Variants in XPNPEP1 observed in about 807,000 individuals in gnomAD.
XPNPEP1 encodes xaa-Pro aminopeptidase 1.
XPNPEP1 carries 39 observed loss-of-function variants against 92.4 expected under a neutral mutation model. That is an observed-to-expected ratio of 0.42 (90% CI 0.33 to 0.55). The LOEUF is 0.55. Ranked by LOEUF, XPNPEP1 falls within the 20% of genes least tolerant of loss-of-function variation. XPNPEP1 has a pLI of 0.08. For synonymous variants in XPNPEP1, 307 were observed against 299.4 expected, an observed-to-expected ratio of 1.03 and a Z score of -0.26; for missense variants, 654 against 856.1, an observed-to-expected ratio of 0.76 and a Z score of 2.95.
intron 11 of XPNPEP1, 21 bp from the exon 12 acceptor site, chr10:109,880,259 T>C: frequency 6.2e-7 from 1 of 1,612,892 alleles, no homozygotes; most frequent in Non-Finnish European, 8.5e-7. Context: ...AATGGAGACA[T>C]TTTTTAAGTT....
chr10:109,894,329 C>T (rs745777406), intron 3 of XPNPEP1, among the ~76,000 whole-genome samples: 5 of 151,726 alleles, frequency 3.3e-5, no homozygotes, highest in Admixed American at 2.0e-4. Flanking sequence ...CCCAGGAACT[C>T]GAGACCAGCC....
chr10:109,878,884 A>G (rs1304164128), intron 12 of XPNPEP1, among the ~76,000 whole-genome samples: 1 of 147,318 alleles, frequency 6.8e-6, no homozygotes, highest in Non-Finnish European at 1.5e-5. Context: ...TCAAAATAAG[A>G]AAAAAAAAAA....
chr10:109,881,032 C>T (rs1848065180), intron 10 of XPNPEP1, 101 bp from the exon 11 acceptor site: 3 of 1,167,194 alleles, frequency 2.6e-6, no homozygotes. Context: ...TTAGACAAAT[C>T]ATTTGAAGAG....
chr10:109,904,402 T>A (rs963446784), intron 3 of XPNPEP1, among the ~76,000 whole-genome samples: 11 of 151,870 alleles, frequency 7.2e-5, no homozygotes, highest in Non-Finnish European at 1.6e-4. Context: ...GCAAGACCCA[T>A]CATCGGATGA....
At chr10:109,895,627 T>C (rs531875501) in intron 3 of XPNPEP1, among the ~76,000 whole-genome samples, 1 of 152,350 alleles carries the variant, frequency 6.6e-6, no homozygotes, top group East Asian at 1.9e-4. Context: ...GTCACTCTCC[T>C]TCTCCCAGGC....
At position 109,888,637 on chromosome 10, in the gene XPNPEP1, C is replaced by A. The variant is rs1162064528; in HGVS notation, c.416-42G>T. The A allele has an allele frequency of 3.4e-6, 5 of 1,484,038 alleles. No homozygotes were observed. The East Asian group carries it at 9.4e-5, about 28-fold the overall frequency. The allele number at this position is 1,484,038 out of a possible 1,614,324, so 91.9% of individuals were successfully genotyped here. Reference sequence around the variant, plus strand: ...TGATAAGAAACAATTCCCAGTGGGCCCACGCTCATTATCCCACCAGAAAGA... The same window carrying A: ...TGATAAGAAACAATTCCCAGTGGGCACACGCTCATTATCCCACCAGAAAGA... On this transcript the variant is annotated intron_variant, in intron 5 of 20. Coordinates refer to ENST00000502935, the MANE Select transcript of XPNPEP1 (RefSeq NM_020383.4).
intron 1 of XPNPEP1, among the ~76,000 whole-genome samples, chr10:109,916,748 G>A (rs1047055487): frequency 7.9e-5 from 12 of 152,032 alleles, no homozygotes; most frequent in Non-Finnish European, 7.4e-5. Context: ...ACCAGCAAAC[G>A]GAATCTAGAA....
chr10:109,919,639 CATT>C (rs1320196105), intron 1 of XPNPEP1, among the ~76,000 whole-genome samples: 1 of 152,200 alleles, frequency 6.6e-6, no homozygotes, highest in Non-Finnish European at 1.5e-5. Context: ...TTCACAGCTG[CATT>C]ATTTGTAACA....
chr10:109,900,451 C>T (rs369506041), intron 3 of XPNPEP1, among the ~76,000 whole-genome samples: 39 of 152,300 alleles, frequency 2.6e-4, no homozygotes, highest in East Asian at 2.3e-3. Context: ...GTCGCCCCAA[C>T]TATGTGGCTC....
At position 109,920,265 on chromosome 10, in the gene XPNPEP1, G is replaced by A. The variant is rs1258975575; in HGVS notation, c.32+3137C>T. Among the ~76,000 whole-genome samples, 8 of 152,196 alleles carry A rather than the reference G, an allele frequency of 5.3e-5. No individual in the cohort carries two copies. In the East Asian group the frequency reaches 1.3e-3, roughly 26 times the overall value. On this transcript the variant is annotated intron_variant, in intron 1 of 20. Coordinates refer to ENST00000502935, the MANE Select transcript of XPNPEP1 (RefSeq NM_020383.4). ...GATTACAGGTAACAGGATTTCTTTC[G>A]GGGATGAAGAAAATGTTCTAAAATG...
chr10:109,914,322 A>G (rs554727608), intron 2 of XPNPEP1, among the ~76,000 whole-genome samples: 2 of 152,350 alleles, frequency 1.3e-5, no homozygotes, highest in East Asian at 1.9e-4. Context: ...TCATTTTGCA[A>G]TCTTATGATC....
chr10:109,875,815 A>G (rs1395730271), intron 14 of XPNPEP1: 4 of 452,800 alleles, frequency 8.8e-6, no homozygotes, highest in East Asian at 7.4e-5. Context: ...GCTGAGATAA[A>G]GAGCTCAACA....
Position 109,881,644 on chromosome 10 carries a change from C to CT in XPNPEP1, c.1042-714dup, listed in dbSNP as rs149958766. ...AGATCTAGAGAGCCAGGCCTGGATT[C>CT]TTCCCAGGATGCCCCACTGCTCAGT... On this transcript the variant is annotated intron_variant, in intron 10 of 20. Transcript: ENST00000502935. Among the ~76,000 whole-genome samples, 72 of 152,334 alleles carry CT rather than the reference C, an allele frequency of 4.7e-4. No individual in the cohort carries two copies. The East Asian group carries it at 0.013, about 27-fold the overall frequency.
intron 2 of XPNPEP1, among the ~76,000 whole-genome samples, chr10:109,909,502 C>T (rs1280340075): frequency 6.6e-6 from 1 of 152,216 alleles, no homozygotes; most frequent in East Asian, 1.9e-4. Context: ...TATCTATAGT[C>T]AGGAATAGTC....
chr10:109,867,505 T>G lies in XPNPEP1; in HGVS notation c.1872+1109A>C, dbSNP rs544864209. ...GCACAGAGGAAAGCTAAGCAGGAAG[T>G]GGATGGACTTTCTCATCACCCACCT... On this transcript the variant is annotated intron_variant, in intron 20 of 20. Coordinates refer to ENST00000502935, the MANE Select transcript of XPNPEP1 (RefSeq NM_020383.4). The surrounding 1 kb of genome is among the most constrained non-coding windows in gnomAD (Gnocchi z 4.5). Among the ~76,000 whole-genome samples, 1 of 152,256 alleles carries G rather than the reference T, an allele frequency of 6.6e-6. No homozygotes were observed. The highest frequency in any genetic ancestry group is 1.5e-5 in the Non-Finnish European group (1 of 68,016).
chr10:109,912,353 G>C (rs1018996462), intron 2 of XPNPEP1, among the ~76,000 whole-genome samples: 3 of 152,160 alleles, frequency 2.0e-5, no homozygotes, highest in Non-Finnish European at 4.4e-5. Context: ...ATGTGGTAAG[G>C]GGCAGTGGCA....
At chr10:109,908,773 T>C (rs1485852783) in intron 2 of XPNPEP1, among the ~76,000 whole-genome samples, 2 of 152,258 alleles carry the variant, frequency 1.3e-5, no homozygotes, top group Admixed American at 1.3e-4. Context: ...TGTCTTCTTG[T>C]ATTTTTCTGC....
rs1848054768 is a variant in XPNPEP1, at chr10:109,880,894, A to G, written c.1079T>C (p.Ile360Thr). 6.2e-7 allele frequency: 1 copy of G among 1,613,982 alleles called. No individual in the cohort carries two copies. Among genetic ancestry groups the G allele is most frequent in the Non-Finnish European group, 8.5e-7 (1 of 1,180,012 alleles). ...AGCTGAATTCTTCACAGCTTTGGCG[A>G]TGCAGATGGGGGTGTAAGGCATACA... is the stretch of plus-strand genomic sequence containing the variant. ...RCCMPYTPIC[I>T]AKAVKNSAES... Residue 360 changes from isoleucine (I) to threonine (T), a missense_variant, in exon 11 of 21, where the codon ATC (isoleucine) becomes ACC (threonine). Coordinates refer to ENST00000502935, the MANE Select transcript of XPNPEP1 (RefSeq NM_020383.4).
intron 3 of XPNPEP1, among the ~76,000 whole-genome samples, chr10:109,898,547 G>A (rs1406179594): frequency 6.6e-6 from 1 of 152,218 alleles, no homozygotes; most frequent in African/African-American, 2.4e-5. Context: ...GATAGGCGAA[G>A]AGAGCAGGAA....
Sources: allele counts gnomAD v4.1 joint callset (sites outside exome capture counted in the v4.1 genomes callset), GRCh38; gene constraint gnomAD v4.1.1; non-coding constraint Gnocchi (gnomAD v3.1); transcripts MANE v1.5; gene names NCBI Gene and HGNC (gene_info 2026-07-23, HGNC 2026-07-21).